The following SERPINI1 variants were observed in gnomAD, a reference collection of about 807,000 sequenced individuals.
SERPINI1 encodes the protein serpin family I member 1, also known as neuroserpin.
A neutral mutation model predicts 41.1 loss-of-function variants in SERPINI1; 19 were observed. That is an observed-to-expected ratio of 0.46 (90% CI 0.32 to 0.68). The LOEUF is 0.68. Ranked by LOEUF, SERPINI1 falls within the 30% of genes least tolerant of loss-of-function variation. The probability of loss-of-function intolerance (pLI) is 0.03; values close to 1 mark genes in which losing one functional copy is unlikely to be tolerated. For synonymous variants in SERPINI1, 138 were observed against 156.6 expected (o/e 0.88, Z 0.89); for missense variants, 460 against 479.2 (o/e 0.96, Z 0.37).
intron 6 of SERPINI1, among the ~76,000 whole-genome samples, chr3:167,811,590 G>A (rs955849649): frequency 2.0e-5 from 3 of 152,092 alleles, no homozygotes; most frequent in Admixed American, 1.3e-4. Flanking sequence ...TCTGGAACAC[G>A]GGACAGAGGC....
intron 1 of SERPINI1, among the ~76,000 whole-genome samples, chr3:167,746,804 T>C (rs1170367096): frequency 6.6e-6 from 1 of 152,242 alleles, no homozygotes; most frequent in African/African-American, 2.4e-5. Context: ...ACCCTCATAA[T>C]ATTTTTTGAA....
At chr3:167,797,067 A>G (rs965283742) in intron 5 of SERPINI1, among the ~76,000 whole-genome samples, 3 of 152,102 alleles carry the variant, frequency 2.0e-5, no homozygotes, top group Non-Finnish European at 4.4e-5. Flanking sequence ...CTGGCATGAG[A>G]TGGTATCTCA....
At chr3:167,768,980 TTTTGTTTGTTTG>T (rs58300423) in intron 1 of SERPINI1, among the ~76,000 whole-genome samples, 3 of 150,246 alleles carry the variant, frequency 2.0e-5, no homozygotes, top group South Asian at 2.1e-4. Flanking sequence ...AATTTTGTTC[TTTTGTTTGTTTG>T]TTTGTTTGTT....
At chr3:167,739,329 T>C (rs776008777) in intron 1 of SERPINI1, among the ~76,000 whole-genome samples, 1 of 152,224 alleles carries the variant, frequency 6.6e-6, no homozygotes, top group Non-Finnish European at 1.5e-5. Flanking sequence ...ACTTCTGTAA[T>C]GCACACATTG....
intron 1 of SERPINI1, among the ~76,000 whole-genome samples, chr3:167,750,390 T>G (rs73035353): frequency 0.069 from 10,522 of 152,220 alleles, 1,204 homozygotes; most frequent in African/African-American, 0.24. Context: ...CTTGGGAAAG[T>G]AAGAACAAGA....
chr3:167,765,356 A>G (rs183741766), intron 1 of SERPINI1, among the ~76,000 whole-genome samples: 3 of 152,296 alleles, frequency 2.0e-5, no homozygotes, highest in Non-Finnish European at 4.4e-5. Flanking sequence ...TCAACACCAT[A>G]TGGTAGCTGC....
chr3:167,742,734 A>G (rs1417150657), intron 1 of SERPINI1, among the ~76,000 whole-genome samples: 2 of 152,024 alleles, frequency 1.3e-5, no homozygotes, highest in African/African-American at 2.4e-5. Flanking sequence ...GATAACTGTC[A>G]GTAGTTTCAG....
chr3:167,757,510 T>TCTCA (rs1553771537), intron 1 of SERPINI1, among the ~76,000 whole-genome samples: 3 of 149,446 alleles, frequency 2.0e-5, no homozygotes, highest in African/African-American at 4.9e-5. Context: ...TCTCTCTCTC[T>TCTCA]CACACACACA....
At chr3:167,821,245 C>G (rs911703664) in intron 6 of SERPINI1, among the ~76,000 whole-genome samples, 1 of 152,142 alleles carries the variant, frequency 6.6e-6, no homozygotes, top group Non-Finnish European at 1.5e-5. Context: ...GCCCCTTGCT[C>G]GCCGTGTTGT....
intron 6 of SERPINI1, among the ~76,000 whole-genome samples, chr3:167,810,963 A>G (rs1167649623): frequency 1.3e-5 from 2 of 151,792 alleles, no homozygotes; most frequent in South Asian, 2.1e-4. Flanking sequence ...CTATGAAGCA[A>G]CTCCTCATCC....
intron 5 of SERPINI1, among the ~76,000 whole-genome samples, chr3:167,806,261 G>T (rs1181973003): frequency 1.3e-5 from 2 of 151,974 alleles, no homozygotes; most frequent in Non-Finnish European, 2.9e-5. Flanking sequence ...TCATAAGTAG[G>T]AGTCGAACAA....
At chr3:167,777,449 A>G (rs1173463931) in intron 1 of SERPINI1, among the ~76,000 whole-genome samples, 1 of 152,236 alleles carries the variant, frequency 6.6e-6, no homozygotes, top group Non-Finnish European at 1.5e-5. Context: ...TTGAGTCAAT[A>G]CAGTTTCACA....
At chr3:167,784,446 A>G (rs1727238822) in intron 1 of SERPINI1, among the ~76,000 whole-genome samples, 1 of 152,224 alleles carries the variant, frequency 6.6e-6, no homozygotes, top group Non-Finnish European at 1.5e-5. Context: ...TTAGTTGGGC[A>G]ACAGAGATGA....
chr3:167,790,970 TA>T (rs1727487820), intron 3 of SERPINI1, among the ~76,000 whole-genome samples: 1 of 151,926 alleles, frequency 6.6e-6, no homozygotes, highest in South Asian at 2.1e-4. Flanking sequence ...TAAAATAGAG[TA>T]AAAAAGAATT....
At chr3:167,793,596 A>ATTTTT (rs141371005) in intron 4 of SERPINI1, among the ~76,000 whole-genome samples, 19,723 of 140,468 alleles carry the variant, frequency 0.14, 1,502 homozygotes, top group Non-Finnish European at 0.16. Context: ...ATATATATAT[A>ATTTTT]TTTTTAATTA....
At chr3:167,817,741 G>A (rs999934734) in intron 6 of SERPINI1, among the ~76,000 whole-genome samples, 1 of 150,770 alleles carries the variant, frequency 6.6e-6, no homozygotes, top group South Asian at 2.1e-4. Flanking sequence ...GGGACTACAG[G>A]CGCCCACCAC....
chr3:167,807,968 A>G (rs938211884), intron 6 of SERPINI1, among the ~76,000 whole-genome samples: 2 of 151,904 alleles, frequency 1.3e-5, no homozygotes, highest in African/African-American at 4.8e-5. Context: ...AATACAAAAA[A>G]TTAGCCACAC....
intron 1 of SERPINI1, among the ~76,000 whole-genome samples, chr3:167,778,994 A>G (rs190524369): frequency 2.1e-4 from 32 of 152,374 alleles, no homozygotes; most frequent in African/African-American, 7.5e-4. Context: ...TTTCAACTGT[A>G]GCACAGCCAG....
At position 167,822,987 on chromosome 3, in the gene SERPINI1, T is replaced by A. The variant is rs756426549; in HGVS notation, c.981T>A (p.Asp327Glu). 2.5e-6 allele frequency: 4 copies of A among 1,585,362 alleles called. No homozygotes were observed. The highest frequency in any genetic ancestry group is 2.2e-5 in the South Asian group (2 of 90,514). ...IKDANLTGLS[D>E]NKEIFLSKAI... ...AAATTTCTGATTCTCTTTTTGCAGA[T>A]AATAAGGAGATTTTTCTTTCCAAAG... is the stretch of plus-strand genomic sequence containing the variant. The change falls in exon 7 of 9, where the codon GAT (aspartate) becomes GAA (glutamate). Residue 327 changes from aspartate (D) to glutamate (E), a missense_variant and splice_region_variant. Coordinates refer to ENST00000446050, the MANE Select transcript of SERPINI1 (RefSeq NM_001122752.2).
Sources: allele counts gnomAD v4.1 joint callset (sites outside exome capture counted in the v4.1 genomes callset), GRCh38; gene constraint gnomAD v4.1.1; transcripts MANE v1.5; gene names NCBI Gene and HGNC (gene_info 2026-07-23, HGNC 2026-07-21).